Variants in UST observed in about 807,000 individuals in gnomAD.
UST encodes the protein uronyl 2-sulfotransferase, also known as chondroitin sulfate 2-O-sulfotransferase.
A neutral mutation model predicts 45.6 loss-of-function variants in UST; 21 were observed. That is an observed-to-expected ratio of 0.46 (90% CI 0.33 to 0.66). The LOEUF (loss-of-function observed/expected upper bound fraction) is 0.66. Among genes scored for constraint, UST ranks in the 30% least tolerant of loss-of-function variants. The pLI, the probability that UST is intolerant of heterozygous loss-of-function variation, is 0.02. For synonymous variants in UST, 215 were observed against 200.6 expected, an observed-to-expected ratio of 1.07 and a Z score of -0.61; for missense variants, 463 against 512.4, an observed-to-expected ratio of 0.90 and a Z score of 0.93.
intron 1 of UST, among the ~76,000 whole-genome samples, chr6:148,786,922 T>C (rs980676430): frequency 2.6e-5 from 4 of 152,244 alleles, no homozygotes; most frequent in Non-Finnish European, 4.4e-5. Flanking sequence ...TGGTGTGAGA[T>C]GGTATCTTAT....
chr6:148,961,146 C>A (rs1363493808), intron 4 of UST, among the ~76,000 whole-genome samples: 24 of 152,134 alleles, frequency 1.6e-4, no homozygotes, highest in Non-Finnish European at 5.9e-5. Context: ...TTAAAAAATA[C>A]GACACAGTGG....
intron 7 of UST, among the ~76,000 whole-genome samples, chr6:149,062,808 G>T (rs1776673559): frequency 6.6e-6 from 1 of 152,218 alleles, no homozygotes; most frequent in Admixed American, 6.5e-5. Flanking sequence ...TGGGGCCCTT[G>T]GTATCTGTAA....
intron 5 of UST, among the ~76,000 whole-genome samples, chr6:149,006,091 A>G (rs770502363): frequency 2.0e-5 from 3 of 152,166 alleles, no homozygotes; most frequent in Non-Finnish European, 4.4e-5. Flanking sequence ...TATTTTATGA[A>G]TTTTATTTTA....
chr6:148,975,420 A>C (rs1426296929), intron 5 of UST, among the ~76,000 whole-genome samples: 2 of 152,100 alleles, frequency 1.3e-5, no homozygotes, highest in African/African-American at 4.8e-5. Context: ...TGCACGTGCA[A>C]TTTCAACATA....
intron 1 of UST, among the ~76,000 whole-genome samples, chr6:148,881,458 C>A (rs1345731238): frequency 1.3e-5 from 2 of 152,066 alleles, no homozygotes; most frequent in African/African-American, 4.8e-5. Context: ...ACTGATTTAC[C>A]CATAGAGGCC....
At chr6:148,852,548 C>G (rs1778127404) in intron 1 of UST, among the ~76,000 whole-genome samples, 1 of 152,064 alleles carries the variant, frequency 6.6e-6, no homozygotes, top group Non-Finnish European at 1.5e-5. Flanking sequence ...TTTACTTTAT[C>G]CATTTGTATG....
At chr6:148,860,341 A>AT (rs1186867221) in intron 1 of UST, among the ~76,000 whole-genome samples, 3 of 152,138 alleles carry the variant, frequency 2.0e-5, no homozygotes, top group African/African-American at 4.8e-5. Context: ...TTGCACATTG[A>AT]TTTTGTATCC....
chr6:149,027,962 G>C (rs1776074770), intron 7 of UST, among the ~76,000 whole-genome samples: 1 of 151,566 alleles, frequency 6.6e-6, no homozygotes, highest in Non-Finnish European at 1.5e-5. Context: ...TCCTGCCTCA[G>C]CTTCCCAAGC....
At chr6:148,938,531 A>G (rs947809120) in intron 2 of UST, among the ~76,000 whole-genome samples, 1 of 152,140 alleles carries the variant, frequency 6.6e-6, no homozygotes, top group Non-Finnish European at 1.5e-5. Flanking sequence ...AATTCAAATG[A>G]CCTACCATAA....
chr6:148,808,433 G>A (rs1473958768), intron 1 of UST, among the ~76,000 whole-genome samples: 1 of 151,962 alleles, frequency 6.6e-6, no homozygotes, highest in Non-Finnish European at 1.5e-5. Flanking sequence ...TGTGAGGGGG[G>A]TGGGCTTTCT....
intron 4 of UST, among the ~76,000 whole-genome samples, chr6:148,961,380 A>T (rs1780654261): frequency 6.6e-6 from 1 of 152,242 alleles, no homozygotes; most frequent in Non-Finnish European, 1.5e-5. Flanking sequence ...CACTACTTAG[A>T]ACCTGTGATC....
At chr6:148,885,054 C>T (rs994732466) in intron 1 of UST, among the ~76,000 whole-genome samples, 1 of 152,142 alleles carries the variant, frequency 6.6e-6, no homozygotes, top group Non-Finnish European at 1.5e-5. Context: ...TGCCTTTAGA[C>T]ATCCAAGCTG....
chr6:148,840,459 A>G (rs558359434), intron 1 of UST, among the ~76,000 whole-genome samples: 9 of 152,310 alleles, frequency 5.9e-5, no homozygotes, highest in South Asian at 2.1e-4. Flanking sequence ...TTCTTTAGCT[A>G]TTCGTCATAT....
At chr6:148,952,469 C>T (rs922943236) in intron 3 of UST, among the ~76,000 whole-genome samples, 3 of 152,166 alleles carry the variant, frequency 2.0e-5, no homozygotes, top group African/African-American at 4.8e-5. Context: ...TTCCTTCAAT[C>T]GTTGTGAGCT....
chr6:148,947,561 T>C (rs1780270471), intron 3 of UST, among the ~76,000 whole-genome samples: 3 of 152,232 alleles, frequency 2.0e-5, no homozygotes, highest in Non-Finnish European at 4.4e-5. Flanking sequence ...AATCCTTTAC[T>C]ACGCTAGGAA....
intron 1 of UST, among the ~76,000 whole-genome samples, chr6:148,754,023 C>T (rs1167302149): frequency 2.7e-5 from 4 of 146,720 alleles, no homozygotes; most frequent in Non-Finnish European, 4.5e-5. Context: ...AGATTGGAGG[C>T]TCGCTCTGTT....
rs137934451 is a variant in UST at position 148,894,618 on chromosome 6, G to A, written c.291+7589G>A. 2.2e-4 allele frequency among the ~76,000 whole-genome samples: 33 copies of A among 152,164 alleles called. 1 individual carries two copies. The East Asian group carries it at 5.4e-3, about 25-fold the overall frequency. Reference sequence around the variant, plus strand: ...GATTTCTGACCTCCTGAACTGTGACGGTAAATTTCTGTTGTTTTAAGCCAC... The same window carrying A: ...GATTTCTGACCTCCTGAACTGTGACAGTAAATTTCTGTTGTTTTAAGCCAC... On this transcript the variant is annotated intron_variant, in intron 2 of 7. Coordinates refer to ENST00000367463, the MANE Select transcript of UST (RefSeq NM_005715.3).
At chr6:148,984,464 C>T (rs1380930081) in intron 5 of UST, among the ~76,000 whole-genome samples, 1 of 152,196 alleles carries the variant, frequency 6.6e-6, no homozygotes, top group Non-Finnish European at 1.5e-5. Context: ...ATATTTGAAG[C>T]TTTATGCTAA....
intron 7 of UST, among the ~76,000 whole-genome samples, chr6:149,056,439 C>T (rs1776568015): frequency 6.6e-6 from 1 of 152,152 alleles, no homozygotes; most frequent in Non-Finnish European, 1.5e-5. Context: ...AGCCATGATA[C>T]CCAGGGATTT....
Sources: allele counts gnomAD v4.1 joint callset (sites outside exome capture counted in the v4.1 genomes callset), GRCh38; gene constraint gnomAD v4.1.1; transcripts MANE v1.5; gene names NCBI Gene and HGNC (gene_info 2026-07-23, HGNC 2026-07-21).